Variants in GPR173 observed in about 807,000 individuals in gnomAD.
The protein encoded by GPR173 is probable G protein-coupled receptor 173.
A neutral mutation model predicts 13.9 loss-of-function variants in GPR173; 2 were observed. The observed-to-expected ratio is 0.14, with a 90% CI of 0.06 to 0.45. The LOEUF (loss-of-function observed/expected upper bound fraction) is 0.45, where lower values mean the gene tolerates loss of function less well. Among genes scored for constraint, GPR173 ranks in the 20% least tolerant of loss-of-function variants. GPR173 has a pLI of 0.98. For synonymous variants in GPR173, 131 were observed against 141.0 expected, an observed-to-expected ratio of 0.93 and a Z score of 0.50; for missense variants, 202 against 340.5, an observed-to-expected ratio of 0.59 and a Z score of 3.20.
chrX:53,052,361 G>A (rs1336925634), intron 1 of GPR173, among the ~76,000 whole-genome samples: 5 of 111,510 alleles, frequency 4.5e-5, no homozygotes, highest in African/African-American at 1.6e-4. Context: ...TTATGTGTGA[G>A]TACATGTCTG....
chrX:53,062,164 T>A (rs1411860523), intron 1 of GPR173, among the ~76,000 whole-genome samples: 3 of 111,384 alleles, frequency 2.7e-5, no homozygotes, highest in African/African-American at 9.8e-5. Context: ...TCAGTACTGC[T>A]GCATTGGGGA....
intron 1 of GPR173, among the ~76,000 whole-genome samples, chrX:53,075,842 A>T (rs1299747409): frequency 8.9e-6 from 1 of 111,821 alleles, no homozygotes; most frequent in African/African-American, 3.3e-5. Flanking sequence ...CATGAAAGAG[A>T]ATAAAAATGA....
chrX:53,056,430 T>C (rs965744759), intron 1 of GPR173, among the ~76,000 whole-genome samples: 1 of 109,773 alleles, frequency 9.1e-6, no homozygotes, highest in Non-Finnish European at 1.9e-5. Context: ...TGTCTGAACG[T>C]CTACATGGCT....
At chrX:53,050,687 T>C (rs1363097340) in intron 1 of GPR173, among the ~76,000 whole-genome samples, 5 of 112,228 alleles carry the variant, frequency 4.5e-5, no homozygotes, top group Non-Finnish European at 7.5e-5. Context: ...TGATTATTCA[T>C]GATTAATAGT....
rs1204893870 is a variant in GPR173, at chrX:53,078,982, C to T, written c.*1239C>T. 4 of 122,448 alleles carry T rather than the reference C, an allele frequency of 3.3e-5. No individual in the cohort carries two copies. The highest frequency in any genetic ancestry group is 1.3e-4 in the African/African-American group (4 of 30,563). The allele number at this position is 122,448 out of a possible 1,213,427, so 10.1% of individuals were successfully genotyped here. ...CCAACAACCCTCCTTCCCCATCCTT[C>T]CCCCACCCTTACCTACACCCAAAGT... is the stretch of plus-strand genomic sequence containing the variant. On this transcript the variant is annotated 3_prime_UTR_variant, in exon 2 of 2. Transcript: ENST00000332582.
chrX:53,056,406 C>G (rs782525827), intron 1 of GPR173, among the ~76,000 whole-genome samples: 1 of 109,621 alleles, frequency 9.1e-6, no homozygotes, highest in African/African-American at 3.3e-5. Context: ...AGGATGTGAG[C>G]AGGGCTCAGC....
At chrX:53,067,748 T>C (rs988247521) in intron 1 of GPR173, among the ~76,000 whole-genome samples, 1 of 99,394 alleles carries the variant, frequency 1.0e-5, no homozygotes, top group Non-Finnish European at 2.0e-5. Flanking sequence ...GGCGTGAACC[T>C]GGGAGGCAGA....
At chrX:53,063,502 C>A (rs1243409316) in intron 1 of GPR173, among the ~76,000 whole-genome samples, 4 of 111,237 alleles carry the variant, frequency 3.6e-5, no homozygotes, top group African/African-American at 6.5e-5. Flanking sequence ...GTCTCTTGGT[C>A]ACACCCTTAG....
chrX:53,074,074 ACATG>A (rs1932342817), intron 1 of GPR173, among the ~76,000 whole-genome samples: 1 of 46,034 alleles, frequency 2.2e-5, no homozygotes, highest in Non-Finnish European at 3.4e-5. Flanking sequence ...ATATAAATAT[ACATG>A]TATATTTATT....
rs1556806198 is a variant in GPR173, at chrX:53,078,276, A to C, written c.*533A>C. 1.6e-5 allele frequency: 2 copies of C among 125,362 alleles called. No individual in the cohort carries two copies. Among genetic ancestry groups the C allele is most frequent in the African/African-American group, 3.3e-5 (1 of 30,473 alleles). 10.3% of individuals were successfully genotyped at this position (125,362 alleles called of 1,213,427 possible). ...TGGATGTTTAGGGAGAAAGTGGTCCAAGGCTGCTGACAAGAGGGACCAAAG... is the reference window on the plus strand; with the variant it reads ...TGGATGTTTAGGGAGAAAGTGGTCCCAGGCTGCTGACAAGAGGGACCAAAG... On this transcript the variant is annotated 3_prime_UTR_variant, in exon 2 of 2. Transcript: ENST00000332582.
rs782436092 is a variant in GPR173 at position 53,049,058 on chromosome X, A to AGGGGGG, written c.-520_-515dup. 2 of 31,035 alleles carry AGGGGGG rather than the reference A, an allele frequency of 6.4e-5. No homozygotes were observed. Among genetic ancestry groups the AGGGGGG allele is most frequent in the African/African-American group, 8.4e-5 (1 of 11,895 alleles). The allele number at this position is 31,035 out of a possible 1,213,427, so 2.6% of individuals were successfully genotyped here. On this transcript the variant is annotated 5_prime_UTR_variant, in exon 1 of 2. Coordinates refer to ENST00000332582, the MANE Select transcript of GPR173 (RefSeq NM_018969.6). ...AAGGCGGCGGCCAGCAGGCAGACGG[A>AGGGGGG]GGGGGGGGGTGGGGGGTGGGGGGGG...
At chrX:53,055,652 TG>T (rs1170593813) in intron 1 of GPR173, among the ~76,000 whole-genome samples, 1 of 107,663 alleles carries the variant, frequency 9.3e-6, no homozygotes, top group African/African-American at 3.4e-5. Context: ...ATCTGGGGAG[TG>T]GGGCGTGTGC....
chrX:53,068,945 C>T (rs1235591560), intron 1 of GPR173, among the ~76,000 whole-genome samples: 1 of 95,588 alleles, frequency 1.0e-5, no homozygotes, highest in Non-Finnish European at 2.0e-5. Context: ...TGAGCGAGAC[C>T]TTGTCTCTTT....
intron 1 of GPR173, among the ~76,000 whole-genome samples, chrX:53,066,318 C>T (rs1448307503): frequency 1.8e-5 from 2 of 111,294 alleles, no homozygotes; most frequent in East Asian, 2.8e-4. Context: ...AGTTTTGCTT[C>T]GAATCCATAA....
intron 1 of GPR173, among the ~76,000 whole-genome samples, chrX:53,073,438 G>A (rs1297067826): frequency 2.7e-5 from 3 of 110,117 alleles, no homozygotes; most frequent in Non-Finnish European, 3.8e-5. Flanking sequence ...TGGGACCTGT[G>A]CTGTTACCTG....
At chrX:53,074,021 T>C (rs781938675) in intron 1 of GPR173, among the ~76,000 whole-genome samples, 2 of 32,457 alleles carry the variant, frequency 6.2e-5, no homozygotes, top group East Asian at 1.7e-3. Flanking sequence ...CATAAATATA[T>C]ATTTATATAT....
In GPR173 at chrX:53,057,571, C is replaced by G. The variant is rs1932057101; in HGVS notation, c.-98+8087C>G. ...TGACCAACATGGAGAAACCCCATCT[C>G]TACTAAAAAAAAAAAAAAACCACAC... is the stretch of plus-strand genomic sequence containing the variant. On this transcript the variant is annotated intron_variant, in intron 1 of 1. Coordinates refer to ENST00000332582, the MANE Select transcript of GPR173 (RefSeq NM_018969.6). Among the ~76,000 whole-genome samples the G allele has an allele frequency of 3.8e-5, 4 of 104,145 alleles. No individual in the cohort carries two copies. In the South Asian group the frequency reaches 1.8e-3, roughly 47 times the overall value. 90.4% of individuals were successfully genotyped at this position (104,145 alleles called of 115,157 possible).
At chrX:53,070,406 C>T (rs1441130094) in intron 1 of GPR173, among the ~76,000 whole-genome samples, 2 of 111,305 alleles carry the variant, frequency 1.8e-5, no homozygotes, top group Non-Finnish European at 1.9e-5. Flanking sequence ...ATATCCAGTG[C>T]CCTCTTGTAC....
Position 53,077,437 on chromosome X carries a change from A to G in GPR173, c.816A>G (p.Leu272=). ...ATGGGCATGCAGCCAGCCGGCGGCT[A>G]CTGGGCATGGACGAGGTCAAGGGTG... The part of the protein sequence containing the change: ...RQNGHAASRR[L]LGMDEVKGEK... The change falls in exon 2 of 2, where the codon CTA becomes CTG. Residue 272 remains leucine, a synonymous_variant. Transcript: ENST00000332582. 1 of 1,209,229 alleles carries G rather than the reference A, an allele frequency of 8.3e-7. No individual in the cohort carries two copies. The highest frequency in any genetic ancestry group is 1.1e-6 in the Non-Finnish European group (1 of 894,111).
Sources: gnomAD v4.1 joint callset for allele counts (sites outside exome capture counted in the v4.1 genomes callset) on GRCh38, gnomAD v4.1.1 for gene constraint, MANE v1.5 for transcripts, NCBI Gene and HGNC (gene_info 2026-07-23, HGNC 2026-07-21) for gene names.